Variants in FAM171A1 observed in about 807,000 individuals in gnomAD.
FAM171A1 encodes family with sequence similarity 171 member A1.
Under a neutral mutation model 74.9 loss-of-function variants are expected in FAM171A1, and 23 were observed. The observed-to-expected ratio is 0.31, with a 90% CI of 0.22 to 0.44. The LOEUF (loss-of-function observed/expected upper bound fraction) is 0.44, where lower values mean the gene tolerates loss of function less well. Among genes scored for constraint, FAM171A1 ranks in the 20% least tolerant of loss-of-function variants. The probability of loss-of-function intolerance (pLI) is 1.00; values close to 1 mark genes in which losing one functional copy is unlikely to be tolerated. For synonymous variants in FAM171A1, 527 were observed against 505.7 expected, an observed-to-expected ratio of 1.04 and a Z score of -0.57; for missense variants, 1,162 against 1,159.2, an observed-to-expected ratio of 1.00 and a Z score of -0.03.
chr10:15,337,382 G>A (rs947053795), intron 1 of FAM171A1, among the ~76,000 whole-genome samples: 2 of 152,238 alleles, frequency 1.3e-5, no homozygotes, highest in African/African-American at 2.4e-5. Flanking sequence ...AAGATAGAAA[G>A]AGTATCTTTA....
intron 1 of FAM171A1, among the ~76,000 whole-genome samples, chr10:15,301,519 C>T (rs879352247): frequency 6.6e-6 from 1 of 152,006 alleles, no homozygotes; most frequent in Non-Finnish European, 1.5e-5. Context: ...AAGGATGTTT[C>T]TTTAGTGAAT....
At chr10:15,350,959 T>C (rs1482303472) in intron 1 of FAM171A1, among the ~76,000 whole-genome samples, 1 of 152,144 alleles carries the variant, frequency 6.6e-6, no homozygotes, top group Non-Finnish European at 1.5e-5. Context: ...CTCTACATGA[T>C]TAATTCTTAG....
At chr10:15,340,995 T>C (rs986028787) in intron 1 of FAM171A1, among the ~76,000 whole-genome samples, 25 of 152,228 alleles carry the variant, frequency 1.6e-4, no homozygotes, top group African/African-American at 5.3e-4. Flanking sequence ...AATAGTCTAA[T>C]GCTTTCAAAT....
intron 1 of FAM171A1, among the ~76,000 whole-genome samples, chr10:15,336,288 G>A (rs1835698742): frequency 6.7e-6 from 1 of 148,256 alleles, no homozygotes; most frequent in African/African-American, 2.5e-5. Context: ...TTCCTCCTAA[G>A]GCATAACTGG....
At chr10:15,343,215 A>T (rs1835784221) in intron 1 of FAM171A1, among the ~76,000 whole-genome samples, 2 of 152,344 alleles carry the variant, frequency 1.3e-5, no homozygotes, top group South Asian at 4.1e-4. Context: ...ATAAAAATTT[A>T]AAAACTAGCT....
chr10:15,275,754 A>C (rs1233202193), intron 3 of FAM171A1, 101 bp downstream of exon 3: 1 of 718,754 alleles, frequency 1.4e-6, no homozygotes, highest in Non-Finnish European at 2.2e-6. Context: ...TAATCAATCC[A>C]CCTTGTATAC....
intron 4 of FAM171A1, among the ~76,000 whole-genome samples, chr10:15,250,165 T>C (rs973695297): frequency 2.6e-5 from 4 of 152,220 alleles, no homozygotes; most frequent in Non-Finnish European, 4.4e-5. Context: ...ACCCTACCTT[T>C]TATCATTCAT....
At chr10:15,272,483 C>A (rs1011882315) in intron 3 of FAM171A1, among the ~76,000 whole-genome samples, 1 of 152,096 alleles carries the variant, frequency 6.6e-6, no homozygotes, top group Admixed American at 6.6e-5. Context: ...GACAGATCAA[C>A]GAGACAGAAA....
chr10:15,213,067 C>T lies in FAM171A1; in HGVS notation c.2521G>A (p.Asp841Asn), dbSNP rs1226358215. 6.2e-7 allele frequency: 1 copy of T among 1,613,674 alleles called. No homozygotes were observed. Among genetic ancestry groups the T allele is most frequent in the Non-Finnish European group, 8.5e-7 (1 of 1,179,880 alleles). The change falls in exon 8 of 8, where the codon GAT (aspartate) becomes AAT (asparagine). Residue 841 changes from aspartate to asparagine, a missense_variant. Physicochemically the swap from Asp to Asn is conservative, Grantham distance 23 (BLOSUM62 1). Transcript: ENST00000378116. The surrounding 1 kb of genome is among the most constrained non-coding windows in gnomAD (Gnocchi z 6.8). ...LQEETTRRTA[D>N]APSEPAASPH... The stretch of plus-strand genomic sequence containing the variant: ...CTGGCTGCTGGCTCCGAGGGGGCAT[C>T]CGCAGTCCGTCTGGTCGTCTCCTCC...
chr10:15,313,525 T>C (rs1441495512), intron 1 of FAM171A1, among the ~76,000 whole-genome samples: 3 of 152,246 alleles, frequency 2.0e-5, no homozygotes. Context: ...AACCGTGGAC[T>C]GCCTTTAAAG....
chr10:15,366,329 A>G lies in FAM171A1; in HGVS notation c.97+4627T>C, dbSNP rs1223660504. ...GAGATGAGGTTTCACCACGTTGGCC[A>G]GGCTGGTCTTGAACTTCTGACCTCA... On this transcript the variant is annotated intron_variant, in intron 1 of 7. Transcript: ENST00000378116. 2.0e-5 allele frequency among the ~76,000 whole-genome samples: 3 copies of G among 152,182 alleles called. No homozygotes were observed. In the East Asian group the frequency reaches 5.8e-4, roughly 29 times the overall value.
At chr10:15,354,929 T>C (rs1041002654) in intron 1 of FAM171A1, among the ~76,000 whole-genome samples, 3 of 152,380 alleles carry the variant, frequency 2.0e-5, no homozygotes, top group Non-Finnish European at 4.4e-5. Context: ...TCAATGCTGA[T>C]TCAAATTATC....
At chr10:15,365,541 TGG>T (rs1836049380) in intron 1 of FAM171A1, among the ~76,000 whole-genome samples, 1 of 151,966 alleles carries the variant, frequency 6.6e-6, no homozygotes, top group African/African-American at 2.4e-5. Flanking sequence ...GAGGCCTAGG[TGG>T]GAGGACTGTC....
chr10:15,350,037 G>A (rs890752923), intron 1 of FAM171A1, among the ~76,000 whole-genome samples: 3 of 151,844 alleles, frequency 2.0e-5, no homozygotes, highest in Admixed American at 1.3e-4. Flanking sequence ...TCTGTGAGAG[G>A]GAGATAGATC....
chr10:15,334,544 G>C (rs1471151954), intron 1 of FAM171A1, among the ~76,000 whole-genome samples: 2 of 152,188 alleles, frequency 1.3e-5, no homozygotes, highest in Admixed American at 6.5e-5. Context: ...CCAAACAAAA[G>C]AAAGATTTCC....
chr10:15,287,276 T>C (rs1014387659), intron 1 of FAM171A1, among the ~76,000 whole-genome samples: 1 of 151,242 alleles, frequency 6.6e-6, no homozygotes, highest in Non-Finnish European at 1.5e-5. Flanking sequence ...TATTTTTTAA[T>C]AGAGACAGGG....
chr10:15,323,524 T>C (rs1564278430), intron 1 of FAM171A1, among the ~76,000 whole-genome samples: 1 of 152,120 alleles, frequency 6.6e-6, no homozygotes, highest in African/African-American at 2.4e-5. Context: ...ATGGCAATGG[T>C]ATCATCATAC....
chr10:15,358,176 A>G (rs1311082630), intron 1 of FAM171A1, among the ~76,000 whole-genome samples: 2 of 151,722 alleles, frequency 1.3e-5, no homozygotes, highest in African/African-American at 2.4e-5. Flanking sequence ...AGGTCTCCCT[A>G]TGTTTTCCAG....
intron 5 of FAM171A1, among the ~76,000 whole-genome samples, chr10:15,226,584 C>A (rs1035065794): frequency 6.6e-6 from 1 of 152,104 alleles, no homozygotes; most frequent in African/African-American, 2.4e-5. Flanking sequence ...TGACTCTTTG[C>A]CAAAACTTGA....
Sources: gnomAD v4.1 joint callset for allele counts (sites outside exome capture counted in the v4.1 genomes callset) on GRCh38, gnomAD v4.1.1 for gene constraint, Gnocchi (gnomAD v3.1) non-coding constraint, MANE v1.5 for transcripts, NCBI Gene and HGNC (gene_info 2026-07-23, HGNC 2026-07-21) for gene names.